SPPL3: variants seen among roughly 807,000 people sequenced by gnomAD.
SPPL3 encodes the protein signal peptide peptidase like 3.
A neutral mutation model predicts 42.4 loss-of-function variants in SPPL3; 5 were observed. The ratio of observed to expected loss-of-function variants is 0.12; its 90% CI spans 0.06 to 0.25. SPPL3 has a LOEUF of 0.25. Among genes scored for constraint, SPPL3 ranks in the 10% least tolerant of loss-of-function variants. The probability of loss-of-function intolerance (pLI) is 1.00; values close to 1 mark genes in which losing one functional copy is unlikely to be tolerated. For synonymous variants in SPPL3, 195 were observed against 181.8 expected (o/e 1.07, Z -0.58); for missense variants, 235 against 489.0 (o/e 0.48, Z 4.90).
intron 1 of SPPL3, among the ~76,000 whole-genome samples, chr12:120,823,404 CTTG>C (rs1190978416): frequency 6.6e-6 from 1 of 152,142 alleles, no homozygotes; most frequent in Non-Finnish European, 1.5e-5. Flanking sequence ...CATCAACAAT[CTTG>C]TTGTTACTTA....
intron 1 of SPPL3, among the ~76,000 whole-genome samples, chr12:120,815,891 G>A (rs1870856278): frequency 6.6e-6 from 1 of 152,020 alleles, no homozygotes; most frequent in South Asian, 2.1e-4. Flanking sequence ...ACCATGCCCA[G>A]CTAATTTTTG....
intron 1 of SPPL3, among the ~76,000 whole-genome samples, chr12:120,893,341 T>G (rs1873705049): frequency 6.6e-6 from 1 of 152,118 alleles, no homozygotes; most frequent in Non-Finnish European, 1.5e-5. Context: ...TCCCAGCTAC[T>G]TGGGAGGCTG....
At chr12:120,893,476 C>A (rs927416626) in intron 1 of SPPL3, among the ~76,000 whole-genome samples, 2 of 152,082 alleles carry the variant, frequency 1.3e-5, no homozygotes. Context: ...TATGACCCTG[C>A]TGTCTGTACC....
At chr12:120,825,738 G>C (rs1258597690) in intron 1 of SPPL3, among the ~76,000 whole-genome samples, 1 of 152,168 alleles carries the variant, frequency 6.6e-6, no homozygotes, top group Admixed American at 6.5e-5. Flanking sequence ...AAAATCATAA[G>C]AGTCTATAAT....
chr12:120,809,649 G>C (rs2137000688), intron 2 of SPPL3, among the ~76,000 whole-genome samples: 1 of 152,274 alleles, frequency 6.6e-6, no homozygotes, highest in South Asian at 2.1e-4. Flanking sequence ...TGAGGATAGT[G>C]GAAAAAGGGA....
At chr12:120,767,685 A>C in intron 8 of SPPL3, 92 bp from the exon 9 acceptor site, 1 of 1,302,634 alleles carries the variant, frequency 7.7e-7, no homozygotes, top group Non-Finnish European at 1.1e-6. Context: ...TTAAGGAGTC[A>C]AAGAGCTTAT....
rs142451007 is a variant in SPPL3, at chr12:120,784,552, T to C, written c.232A>G (p.Ile78Val). The change falls in exon 4 of 11, where the codon ATT (isoleucine) becomes GTT (valine). Residue 78 changes from isoleucine (I) to valine (V), a missense_variant. Around this residue, in one of 6 missense-constraint regions of SPPL3, gnomAD observed 110 missense variants for 186.2 expected, o/e 0.59. Coordinates refer to ENST00000353487, the MANE Select transcript of SPPL3 (RefSeq NM_139015.5). ...ACTAAAAGAGAGACAGATGCTCCAA[T>C]TGGAAGGAACAGAGCCTGGGTAGAG... ...IDSTQALFLP[I>V]GASVSLLVMF... 5.3e-4 allele frequency: 857 copies of C among 1,612,894 alleles called. 2 individuals carry two copies. Among genetic ancestry groups the C allele is most frequent in the Non-Finnish European group, 6.6e-4 (782 of 1,179,432 alleles).
chr12:120,850,504 A>G (rs980019642), intron 1 of SPPL3, among the ~76,000 whole-genome samples: 14 of 151,174 alleles, frequency 9.3e-5, no homozygotes, highest in African/African-American at 3.4e-4. Context: ...AAAAAAAAAA[A>G]AAAAAAAAAC....
chr12:120,890,089 T>C (rs971129187), intron 1 of SPPL3, among the ~76,000 whole-genome samples: 1 of 150,536 alleles, frequency 6.6e-6, no homozygotes, highest in South Asian at 2.1e-4. Flanking sequence ...CTACTGAAAA[T>C]ACAAAAAAAT....
At chr12:120,784,673 CA>C (rs757567627) in intron 3 of SPPL3, 80 bp from the exon 4 acceptor site, 199 of 1,140,456 alleles carry the variant, frequency 1.7e-4, no homozygotes, top group Non-Finnish European at 2.3e-4. Flanking sequence ...CATTAACTTG[CA>C]AAAATGCAGA....
chr12:120,855,996 C>T (rs1178706184), intron 1 of SPPL3, among the ~76,000 whole-genome samples: 1 of 152,194 alleles, frequency 6.6e-6, no homozygotes, highest in African/African-American at 2.4e-5. Flanking sequence ...TTCAACAGAA[C>T]TCTGTGATCA....
intron 1 of SPPL3, among the ~76,000 whole-genome samples, chr12:120,850,514 C>A (rs587927): frequency 0.33 from 38,585 of 115,516 alleles, 6,556 homozygotes; most frequent in Non-Finnish European, 0.45. Context: ...AAAAAAAAAA[C>A]AAAAGCCAAA....
intron 1 of SPPL3, among the ~76,000 whole-genome samples, chr12:120,830,647 G>A (rs940394853): frequency 1.3e-5 from 2 of 148,900 alleles, no homozygotes; most frequent in African/African-American, 2.5e-5. Context: ...GGGTGGTGAG[G>A]AATTCAGTTC....
At chr12:120,810,542 G>A (rs1213223824) in intron 2 of SPPL3, among the ~76,000 whole-genome samples, 1 of 151,930 alleles carries the variant, frequency 6.6e-6, no homozygotes, top group African/African-American at 2.4e-5. Flanking sequence ...TCTTAATAAA[G>A]AGTGCATTAG....
intron 1 of SPPL3, among the ~76,000 whole-genome samples, chr12:120,895,611 AAG>A (rs1273116518): frequency 6.6e-6 from 1 of 152,244 alleles, no homozygotes; most frequent in East Asian, 1.9e-4. Context: ...ATTGTGAAAC[AAG>A]AGAAGTCATT....
At chr12:120,861,734 A>G (rs1320368811) in intron 1 of SPPL3, among the ~76,000 whole-genome samples, 2 of 152,208 alleles carry the variant, frequency 1.3e-5, no homozygotes, top group Non-Finnish European at 2.9e-5. Context: ...TGTAACATAT[A>G]AAAACCAATC....
chr12:120,792,420 T>C (rs1349869078), intron 2 of SPPL3, among the ~76,000 whole-genome samples: 1 of 152,070 alleles, frequency 6.6e-6, no homozygotes, highest in African/African-American at 2.4e-5. Flanking sequence ...AAGAAGGTGT[T>C]TGTGGGTGCA....
intron 1 of SPPL3, among the ~76,000 whole-genome samples, chr12:120,896,640 A>C (rs1342681531): frequency 6.6e-6 from 1 of 152,122 alleles, no homozygotes; most frequent in Non-Finnish European, 1.5e-5. Flanking sequence ...TTAGCCGGGC[A>C]TGGTGGTGTG....
chr12:120,836,525 C>T (rs1049527719), intron 1 of SPPL3, among the ~76,000 whole-genome samples: 1 of 149,762 alleles, frequency 6.7e-6, no homozygotes, highest in Non-Finnish European at 1.5e-5. Flanking sequence ...CGGCAGACAC[C>T]ACACGGGACA....
Sources: gnomAD v4.1 joint callset for allele counts (sites outside exome capture counted in the v4.1 genomes callset) on GRCh38, gnomAD v4.1.1 for gene constraint, gnomAD v4.1.1 regional missense constraint, MANE v1.5 for transcripts, NCBI Gene and HGNC (gene_info 2026-07-23, HGNC 2026-07-21) for gene names.